NMNAT2: variants seen among roughly 807,000 people sequenced by gnomAD.
The protein encoded by NMNAT2 is nicotinamide nucleotide adenylyltransferase 2, also known as nicotinamide/nicotinic acid mononucleotide adenylyltransferase 2.
A neutral mutation model predicts 41.6 loss-of-function variants in NMNAT2; 11 were observed. That is an observed-to-expected ratio of 0.26 (90% CI 0.17 to 0.44). NMNAT2 has a LOEUF of 0.44. Ranked by LOEUF, NMNAT2 falls within the 20% of genes least tolerant of loss-of-function variation. NMNAT2 has a pLI of 1.00. For synonymous variants in NMNAT2, 148 were observed against 151.2 expected, an observed-to-expected ratio of 0.98 and a Z score of 0.16; for missense variants, 288 against 407.7, an observed-to-expected ratio of 0.71 and a Z score of 2.53.
At chr1:183,346,884 C>A (rs765461474) in intron 1 of NMNAT2, among the ~76,000 whole-genome samples, 9 of 152,090 alleles carry the variant, frequency 5.9e-5, no homozygotes, top group Non-Finnish European at 1.0e-4. Flanking sequence ...ATTTTTACCC[C>A]ATTATAGTCA....
chr1:183,293,686 G>GGC lies in NMNAT2; in HGVS notation c.174+17_174+18dup. 1 of 1,567,888 alleles carries GGC rather than the reference G, an allele frequency of 6.4e-7. No individual in the cohort carries two copies. Among genetic ancestry groups the GGC allele is most frequent in the African/African-American group, 1.3e-5 (1 of 74,166 alleles). On this transcript the variant is annotated intron_variant, in intron 2 of 10. Coordinates refer to ENST00000287713, the MANE Select transcript of NMNAT2 (RefSeq NM_015039.4). ...GGGGACGGGGATTGAAGAGGAGAGGGGCACAGGAAGGAACCCACCTGTTTT... is the reference window on the plus strand; with the variant it reads ...GGGGACGGGGATTGAAGAGGAGAGGGGCGCACAGGAAGGAACCCACCTGTTTT...
chr1:183,378,196 A>C (rs960700267), intron 1 of NMNAT2, among the ~76,000 whole-genome samples: 5 of 152,146 alleles, frequency 3.3e-5, no homozygotes, highest in Non-Finnish European at 5.9e-5. Context: ...GTTTGAAACC[A>C]GCCTTGCCAA....
Position 183,279,515 on chromosome 1 carries a change from C to T in NMNAT2, c.575-886G>A, listed in dbSNP as rs369048547. Reference sequence around the variant, plus strand: ...AGGCAGGTCTGCACTGAGGGCACCACCAGCCTTCCAGAGACAGCTGCCAGC... The same window carrying T: ...AGGCAGGTCTGCACTGAGGGCACCATCAGCCTTCCAGAGACAGCTGCCAGC... On this transcript the variant is annotated intron_variant, in intron 7 of 10. Coordinates refer to ENST00000287713, the MANE Select transcript of NMNAT2 (RefSeq NM_015039.4). 4.5e-3 allele frequency among the ~76,000 whole-genome samples: 681 copies of T among 152,328 alleles called. 6 individuals are homozygous for T. The highest frequency in any genetic ancestry group is 0.017 in the Middle Eastern group (5 of 294).
intron 1 of NMNAT2, chr1:183,304,823 C>A: frequency 1.2e-6 from 2 of 1,602,688 alleles, no homozygotes. Context: ...GCTGCTCCCT[C>A]ATTGTTGCTG....
chr1:183,317,226 TC>T (rs927102358), intron 1 of NMNAT2, among the ~76,000 whole-genome samples: 1 of 152,104 alleles, frequency 6.6e-6, no homozygotes, highest in African/African-American at 2.4e-5. Flanking sequence ...CTCAGTTTCA[TC>T]CCCCCGTATT....
intron 1 of NMNAT2, among the ~76,000 whole-genome samples, chr1:183,358,802 C>T (rs552107377): frequency 6.6e-6 from 1 of 152,304 alleles, no homozygotes; most frequent in African/African-American, 2.4e-5. Context: ...TCCCACCTTC[C>T]TCTCCTTTCT....
chr1:183,252,776 T>C, intron 10 of NMNAT2, 33 bp from the exon 11 acceptor site: 3 of 1,523,932 alleles, frequency 2.0e-6, no homozygotes, highest in Non-Finnish European at 2.7e-6. Context: ...CAGATGGACA[T>C]CCACACCCAA....
At chr1:183,351,838 G>A (rs539781871) in intron 1 of NMNAT2, among the ~76,000 whole-genome samples, 98 of 152,212 alleles carry the variant, frequency 6.4e-4, no homozygotes, top group Middle Eastern at 3.4e-3. Flanking sequence ...CCTTGGAAAG[G>A]GAGACTTGAA....
At chr1:183,328,715 A>T (rs1662518686) in intron 1 of NMNAT2, among the ~76,000 whole-genome samples, 1 of 152,226 alleles carries the variant, frequency 6.6e-6, no homozygotes, top group African/African-American at 2.4e-5. Context: ...GCCTCCTGTG[A>T]GGAAGATCTT....
chr1:183,400,302 TC>T (rs1648772669), intron 1 of NMNAT2, among the ~76,000 whole-genome samples: 1 of 152,094 alleles, frequency 6.6e-6, no homozygotes, highest in Non-Finnish European at 1.5e-5. Flanking sequence ...ATGAGTGAAC[TC>T]CCATTCACAA....
rs1281987253 is a variant in NMNAT2, at chr1:183,417,710, G to A, written c.85+473C>T. On this transcript the variant is annotated intron_variant, in intron 1 of 10. Coordinates refer to ENST00000287713, the MANE Select transcript of NMNAT2 (RefSeq NM_015039.4). ...CCTGTCACCGGTGTGTCGGGCGCGA[G>A]TGTGTTTGCGAATCCCAGGCACATA... Among the ~76,000 whole-genome samples the A allele has an allele frequency of 4.6e-5, 7 of 152,306 alleles. No individual in the cohort carries two copies. In the East Asian group the frequency reaches 1.3e-3, roughly 29 times the overall value.
intron 9 of NMNAT2, 59 bp from the exon 10 acceptor site, chr1:183,261,128 TCTCA>T: frequency 1.2e-6 from 2 of 1,601,148 alleles, no homozygotes. Flanking sequence ...CCTTTTGCTC[TCTCA>T]CTCCTCCAGC....
At position 183,350,113 on chromosome 1, in the gene NMNAT2, G is replaced by A. The variant is rs368436296; in HGVS notation, c.86-56320C>T. On this transcript the variant is annotated intron_variant, in intron 1 of 10. Transcript: ENST00000287713. ...ACACTGAGCATATGAAGATATACAAGATACACACAATCCCTGCCCTCATGG... is the reference window on the plus strand; with the variant it reads ...ACACTGAGCATATGAAGATATACAAAATACACACAATCCCTGCCCTCATGG... Among the ~76,000 whole-genome samples the A allele has an allele frequency of 9.8e-5, 15 of 152,326 alleles. 1 individual carries two copies. The South Asian group carries it at 3.1e-3, about 32-fold the overall frequency.
intron 1 of NMNAT2, among the ~76,000 whole-genome samples, chr1:183,397,556 C>A (rs1227624510): frequency 2.6e-5 from 4 of 152,104 alleles, no homozygotes; most frequent in Non-Finnish European, 5.9e-5. Context: ...TCAGGAAATA[C>A]AAAGAACGCC....
chr1:183,303,855 C>T (rs1319269817), intron 1 of NMNAT2, among the ~76,000 whole-genome samples: 2 of 152,214 alleles, frequency 1.3e-5, no homozygotes, highest in Non-Finnish European at 2.9e-5. Flanking sequence ...TGGGCTGAGG[C>T]TCCCAATAAA....
chr1:183,322,700 C>A (rs1260149078), intron 1 of NMNAT2, among the ~76,000 whole-genome samples: 2 of 152,134 alleles, frequency 1.3e-5, no homozygotes, highest in Non-Finnish European at 2.9e-5. Flanking sequence ...TTCCCCATAC[C>A]CAAATCATAG....
intron 7 of NMNAT2, 115 bp downstream of exon 7, chr1:183,283,880 C>T: frequency 1.0e-6 from 1 of 966,814 alleles, no homozygotes; most frequent in Non-Finnish European, 1.7e-6. Flanking sequence ...CGAGAGGAGA[C>T]CCTGCTGCAA....
At chr1:183,339,068 C>T (rs926073836) in intron 1 of NMNAT2, among the ~76,000 whole-genome samples, 1 of 151,998 alleles carries the variant, frequency 6.6e-6, no homozygotes, top group Non-Finnish European at 1.5e-5. Context: ...GTAGGCACAA[C>T]AGCTCCAGTT....
At chr1:183,332,405 G>C (rs1015765169) in intron 1 of NMNAT2, among the ~76,000 whole-genome samples, 4 of 152,126 alleles carry the variant, frequency 2.6e-5, no homozygotes, top group African/African-American at 9.7e-5. Flanking sequence ...TAAATTATAA[G>C]AGGCAGAATG....
Sources: allele counts gnomAD v4.1 joint callset (sites outside exome capture counted in the v4.1 genomes callset), GRCh38; gene constraint gnomAD v4.1.1; transcripts MANE v1.5; gene names NCBI Gene and HGNC (gene_info 2026-07-23, HGNC 2026-07-21).